Variants in C2 observed in about 807,000 individuals in gnomAD.
The protein encoded by C2 is C3/C5 convertase.
Under a neutral mutation model 85.2 loss-of-function variants are expected in C2, and 64 were observed. The observed-to-expected ratio is 0.75, with a 90% CI of 0.61 to 0.92. The LOEUF (loss-of-function observed/expected upper bound fraction) is 0.92, where lower values mean the gene tolerates loss of function less well. C2 is among the 40% of genes least tolerant of loss of function. The probability of loss-of-function intolerance (pLI) is 0.00; values close to 1 mark genes in which losing one functional copy is unlikely to be tolerated. For synonymous variants in C2, 311 were observed against 370.8 expected, an observed-to-expected ratio of 0.84 and a Z score of 1.85; for missense variants, 820 against 971.6, an observed-to-expected ratio of 0.84 and a Z score of 2.07.
chr6:31,903,867 G>A (rs1767544703), intron 1 of C2, among the ~76,000 whole-genome samples: 1 of 151,834 alleles, frequency 6.6e-6, no homozygotes, highest in African/African-American at 2.4e-5. Context: ...AGTTCCCTCT[G>A]TTGAATCTAA....
intron 6 of C2, chr6:31,934,869 T>C (rs1220573594): frequency 4.1e-6 from 1 of 243,138 alleles, no homozygotes; most frequent in South Asian, 1.3e-4. Flanking sequence ...ATTAGCCACA[T>C]GTGATGGCGC....
At chr6:31,911,672 G>A (rs1481944417) in intron 1 of C2, among the ~76,000 whole-genome samples, 1 of 144,922 alleles carries the variant, frequency 6.9e-6, no homozygotes, top group Non-Finnish European at 1.5e-5. Flanking sequence ...ACAGAGTCTC[G>A]CTCTGTTGCC....
chr6:31,917,631 C>T (rs1490897249), upstream of C2, among the ~76,000 whole-genome samples: 1 of 152,110 alleles, frequency 6.6e-6, no homozygotes, highest in African/African-American at 2.4e-5. Flanking sequence ...AAAGGCCAGG[C>T]GCGGTGGCTC....
rs1175417070 is a variant in C2 at position 31,944,236 on chromosome 6, T to C, written c.1902+10T>C. 1.3e-6 allele frequency: 2 copies of C among 1,583,776 alleles called. No individual in the cohort carries two copies. Among genetic ancestry groups the C allele is most frequent in the Non-Finnish European group, 1.7e-6 (2 of 1,153,346 alleles). On this transcript the variant is annotated intron_variant, in intron 15 of 17. Transcript: ENST00000299367. This position sits in a 1 kb window ranked among gnomAD's most constrained non-coding sequence, Gnocchi z 5.1. ...TAAGATGGGAGTGGAGGTGAGGGTC[T>C]CAGGTTGGGGATGCTGGGATCCCCC...
At chr6:31,908,097 C>T (rs1000085928) in intron 1 of C2, among the ~76,000 whole-genome samples, 4 of 150,994 alleles carry the variant, frequency 2.6e-5, no homozygotes, top group Non-Finnish European at 4.4e-5. Flanking sequence ...CCGCCCACCT[C>T]AGCCTCCCAA....
upstream of C2, among the ~76,000 whole-genome samples, chr6:31,927,287 G>T (rs147079295): frequency 2.0e-5 from 3 of 152,334 alleles, no homozygotes; most frequent in East Asian, 5.8e-4. This position sits in a 1 kb window ranked among gnomAD's most constrained non-coding sequence, Gnocchi z 4.7. Context: ...CAACCCAAAA[G>T]AACACTAAAA....
chr6:31,944,940 G>T lies in C2; in HGVS notation c.2030-40G>T. The T allele has an allele frequency of 1.2e-6, 2 of 1,612,970 alleles. No individual in the cohort carries two copies. The highest frequency in any genetic ancestry group is 1.7e-6 in the Non-Finnish European group (2 of 1,179,918). On this transcript the variant is annotated intron_variant, in intron 16 of 17. Transcript: ENST00000299367. The surrounding 1 kb of genome is among the most constrained non-coding windows in gnomAD (Gnocchi z 5.1). ...ATGCATGCCAGAACACCAGTCCACT[G>T]CCCTAGATGACACTGTCTCCTGTCA...
Position 31,943,066 on chromosome 6 carries a change from A to G in C2, c.1327A>G (p.Lys443Glu). 1 of 1,613,080 alleles carries G rather than the reference A, an allele frequency of 6.2e-7. No homozygotes were observed. Among genetic ancestry groups the G allele is most frequent in the Non-Finnish European group, 8.5e-7 (1 of 1,180,038 alleles). ...GCATGCCTTCATTCTGCAGGACACAAAGGCTCTGCACCAGGTCTTTGAACA... is the reference window on the plus strand; with the variant it reads ...GCATGCCTTCATTCTGCAGGACACAGAGGCTCTGCACCAGGTCTTTGAACA... The part of the protein sequence containing the change: ...ERHAFILQDT[K>E]ALHQVFEHML... Residue 443 changes from lysine (K) to glutamate (E), a missense_variant, in exon 10 of 18, where the codon AAG (lysine) becomes GAG (glutamate). Coordinates refer to ENST00000299367, the MANE Select transcript of C2 (RefSeq NM_000063.6). This position sits in a 1 kb window ranked among gnomAD's most constrained non-coding sequence, Gnocchi z 6.4.
upstream of C2, among the ~76,000 whole-genome samples, chr6:31,916,094 G>A (rs1280469021): frequency 6.6e-6 from 1 of 152,172 alleles, no homozygotes; most frequent in Non-Finnish European, 1.5e-5. Flanking sequence ...TGGAAGAAGG[G>A]CAGTAGTTTA....
chr6:31,929,027 T>C, intron 3 of C2, 110 bp downstream of exon 3: 1 of 995,794 alleles, frequency 1.0e-6, no homozygotes, highest in Non-Finnish European at 1.5e-6. Flanking sequence ...TGTTGTTCAG[T>C]GTGCCATAAT....
Position 31,933,735 on chromosome 6 carries a change from G to C in C2, c.568G>C (p.Glu190Gln), listed in dbSNP as rs1388445685. ...TGTGCTCACGGGGTCTTCGGAGCGG[G>C]AGTGCCAGGGCAACGGGGTCTGGAG... is the stretch of plus-strand genomic sequence containing the variant. ...NLVLTGSSER[E>Q]CQGNGVWSGT... The change falls in exon 4 of 18, where the codon GAG becomes CAG. Residue 190 changes from glutamate to glutamine, a missense_variant. Transcript: ENST00000299367. The C allele has an allele frequency of 6.2e-7, 1 of 1,613,450 alleles. No homozygotes were observed. Among genetic ancestry groups the C allele is most frequent in the Admixed American group, 1.7e-5 (1 of 60,014 alleles).
upstream of C2, among the ~76,000 whole-genome samples, chr6:31,924,447 A>G (rs1027741352): frequency 1.1e-4 from 17 of 152,186 alleles, no homozygotes; most frequent in African/African-American, 3.9e-4. Flanking sequence ...TCCAGAGTCC[A>G]CCATTCTGTC....
intron 1 of C2, among the ~76,000 whole-genome samples, chr6:31,901,636 G>A (rs1767285377): frequency 6.6e-6 from 1 of 151,888 alleles, no homozygotes; most frequent in South Asian, 2.1e-4. Context: ...TGGACTCCAA[G>A]GTGGCCCCGG....
At chr6:31,900,453 G>A (rs1767127725), upstream of C2, 3 of 1,576,876 alleles carry the variant, frequency 1.9e-6, no homozygotes, top group Non-Finnish European at 2.6e-6. This position sits in a 1 kb window ranked among gnomAD's most constrained non-coding sequence, Gnocchi z 9.7. Flanking sequence ...ACGCTGGCCC[G>A]GCCTCCGGGA....
At chr6:31,917,105 A>C (rs1768586069), upstream of C2, among the ~76,000 whole-genome samples, 2 of 140,418 alleles carry the variant, frequency 1.4e-5, no homozygotes, top group South Asian at 4.6e-4. Flanking sequence ...CAGGAGGCGG[A>C]GGTTGCAGTG....
At chr6:31,914,638 C>T (rs1390222758) in intron 1 of C2, among the ~76,000 whole-genome samples, 5 of 149,864 alleles carry the variant, frequency 3.3e-5, no homozygotes, top group East Asian at 4.0e-4. Flanking sequence ...ATCGGCCGGG[C>T]GCGGTGGTTC....
rs115705702 is a variant in C2, at chr6:31,902,995, A to C, written c.73+1856A>C. The stretch of plus-strand genomic sequence containing the variant: ...CCAGCTCTAAACAAAACTTCCCTTC[A>C]ACACTGCGCCCGGGCCTTCTCTTTC... On this transcript the variant is annotated intron_variant, in intron 1 of 3. Transcript: ENST00000452202. 6.6e-3 allele frequency among the ~76,000 whole-genome samples: 1,007 copies of C among 152,174 alleles called. 24 individuals carry two copies. In the South Asian group the frequency reaches 0.077, roughly 12 times the overall value.
rs1018917424 is a variant in C2, at chr6:31,935,244, A to C, written c.850-679A>C. ...GCACTGCGAGGCGGCAACACACACCAGTTGGAGCAGTGATTGAGAATCATG... is the reference window on the plus strand; with the variant it reads ...GCACTGCGAGGCGGCAACACACACCCGTTGGAGCAGTGATTGAGAATCATG... On this transcript the variant is annotated intron_variant, in intron 6 of 17. Coordinates refer to ENST00000299367, the MANE Select transcript of C2 (RefSeq NM_000063.6). The surrounding 1 kb of genome is among the most constrained non-coding windows in gnomAD (Gnocchi z 4.3). 1.9e-5 allele frequency: 3 copies of C among 160,860 alleles called. No individual in the cohort carries two copies. The highest frequency in any genetic ancestry group is 2.6e-5 in the Non-Finnish European group (2 of 76,058). The allele number at this position is 160,860 out of a possible 1,614,324, so 10.0% of individuals were successfully genotyped here.
At chr6:31,898,590 T>G (rs1391209039), upstream of C2, among the ~76,000 whole-genome samples, 1 of 151,826 alleles carries the variant, frequency 6.6e-6, no homozygotes, top group Non-Finnish European at 1.5e-5. Context: ...TGGTTAACTA[T>G]TCCAGAGCTT....
Sources: allele counts gnomAD v4.1 joint callset (sites outside exome capture counted in the v4.1 genomes callset), GRCh38; gene constraint gnomAD v4.1.1; non-coding constraint Gnocchi (gnomAD v3.1); transcripts MANE v1.5; gene names NCBI Gene and HGNC (gene_info 2026-07-23, HGNC 2026-07-21).